PDE3B: variants seen among roughly 807,000 people sequenced by gnomAD.
PDE3B encodes the protein phosphodiesterase 3B.
A neutral mutation model predicts 116.8 loss-of-function variants in PDE3B; 66 were observed. That is an observed-to-expected ratio of 0.56 (90% CI 0.46 to 0.69). The LOEUF is 0.69. Among genes scored for constraint, PDE3B ranks in the 30% least tolerant of loss-of-function variants. PDE3B has a pLI of 0.00. For missense variants in PDE3B, 1,384 were observed against 1,368.1 expected (o/e 1.01, Z -0.18); for synonymous variants, 595 against 533.6 (o/e 1.12, Z -1.59).
chr11:14,728,133 G>A (rs1447939471), intron 1 of PDE3B, among the ~76,000 whole-genome samples: 1 of 151,944 alleles, frequency 6.6e-6, no homozygotes, highest in African/African-American at 2.4e-5. Flanking sequence ...TGATTAGCTG[G>A]CAAAAGCTTT....
intron 2 of PDE3B, chr11:14,774,765 T>C (rs995113517): frequency 1.4e-4 from 21 of 152,378 alleles, no homozygotes; most frequent in Middle Eastern, 6.8e-3. Context: ...ACTCTCTTGC[T>C]CATTTCTCTC....
intron 12 of PDE3B, among the ~76,000 whole-genome samples, chr11:14,848,495 T>G (rs1317293691): frequency 6.6e-6 from 1 of 151,658 alleles, no homozygotes; most frequent in African/African-American, 2.4e-5. Context: ...CCAGGGCAAT[T>G]AGGCAGGAGA....
intron 4 of PDE3B, among the ~76,000 whole-genome samples, chr11:14,802,025 T>C (rs1858785997): frequency 6.6e-6 from 1 of 152,222 alleles, no homozygotes; most frequent in East Asian, 1.9e-4. Context: ...GCTGCTGTGC[T>C]GGCAGTGAGA....
chr11:14,861,780 A>G (rs1456196397), intron 14 of PDE3B, among the ~76,000 whole-genome samples: 1 of 152,212 alleles, frequency 6.6e-6, no homozygotes, highest in Non-Finnish European at 1.5e-5. Flanking sequence ...GAAAGGAAGT[A>G]AAGTACACTT....
intron 2 of PDE3B, among the ~76,000 whole-genome samples, chr11:14,778,433 G>A (rs1022590213): frequency 1.3e-5 from 2 of 152,294 alleles, no homozygotes; most frequent in South Asian, 2.1e-4. Flanking sequence ...GCTGACTGAC[G>A]CCTCATACGG....
intron 1 of PDE3B, among the ~76,000 whole-genome samples, chr11:14,759,329 G>A (rs1299862431): frequency 6.6e-6 from 1 of 152,240 alleles, no homozygotes; most frequent in African/African-American, 2.4e-5. Flanking sequence ...GACTGGAATA[G>A]TTTCAGAAGG....
chr11:14,667,225 A>G (rs1178934937), intron 1 of PDE3B, among the ~76,000 whole-genome samples: 1 of 148,836 alleles, frequency 6.7e-6, no homozygotes, highest in African/African-American at 2.5e-5. Context: ...ATAGGTGGGA[A>G]TTGAACAATG....
intron 3 of PDE3B, 45 bp from the exon 4 acceptor site, chr11:14,789,061 A>G (rs577754568): frequency 7.0e-7 from 1 of 1,423,484 alleles, no homozygotes; most frequent in East Asian, 2.3e-5. Flanking sequence ...CATATATAGC[A>G]TATTAAAGAG....
intron 15 of PDE3B, among the ~76,000 whole-genome samples, chr11:14,868,564 AAAATG>A (rs1262666412): frequency 2.6e-5 from 4 of 152,220 alleles, no homozygotes; most frequent in African/African-American, 9.6e-5. Flanking sequence ...GTATAAATGG[AAAATG>A]AAATGAAAAT....
intron 5 of PDE3B, among the ~76,000 whole-genome samples, chr11:14,804,535 T>G (rs1051673631): frequency 6.6e-6 from 1 of 152,026 alleles, no homozygotes; most frequent in African/African-American, 2.4e-5. Context: ...AACATAGGAA[T>G]AGCAAAGCAA....
intron 1 of PDE3B, among the ~76,000 whole-genome samples, chr11:14,686,529 A>G (rs1271922734): frequency 6.6e-6 from 1 of 152,178 alleles, no homozygotes; most frequent in Non-Finnish European, 1.5e-5. Context: ...TTAACCTGAG[A>G]CATTTTAAAT....
chr11:14,718,055 A>G (rs980856727), intron 1 of PDE3B, among the ~76,000 whole-genome samples: 22 of 150,670 alleles, frequency 1.5e-4, no homozygotes, highest in African/African-American at 4.9e-4. Context: ...ACATAGGCTG[A>G]AAATAAAAGG....
intron 11 of PDE3B, among the ~76,000 whole-genome samples, chr11:14,839,191 T>C (rs750242877): frequency 1.3e-4 from 20 of 152,252 alleles, no homozygotes; most frequent in Non-Finnish European, 2.1e-4. Context: ...ACCCATTTTC[T>C]GAATGTATAG....
chr11:14,741,696 C>G (rs1251308862), intron 1 of PDE3B, among the ~76,000 whole-genome samples: 1 of 152,094 alleles, frequency 6.6e-6, no homozygotes, highest in African/African-American at 2.4e-5. Context: ...ATGGTCTTTA[C>G]AATTTGGTAT....
chr11:14,681,981 A>G (rs944504110), intron 1 of PDE3B, among the ~76,000 whole-genome samples: 1 of 152,230 alleles, frequency 6.6e-6, no homozygotes, highest in Non-Finnish European at 1.5e-5. Context: ...ACAGTCAATT[A>G]GCACATATTT....
At chr11:14,768,705 G>A (rs532230903) in intron 1 of PDE3B, among the ~76,000 whole-genome samples, 2 of 151,602 alleles carry the variant, frequency 1.3e-5, no homozygotes, top group East Asian at 3.9e-4. Context: ...CTGTAGCAAA[G>A]GACCAAGCTT....
chr11:14,770,692 C>A (rs1157999355), intron 1 of PDE3B, among the ~76,000 whole-genome samples: 1 of 151,546 alleles, frequency 6.6e-6, no homozygotes, highest in Admixed American at 6.6e-5. Context: ...TTTGTGGGCA[C>A]TGGTTCACAA....
At chr11:14,665,225 T>G (rs1010191666) in intron 1 of PDE3B, among the ~76,000 whole-genome samples, 1 of 152,186 alleles carries the variant, frequency 6.6e-6, no homozygotes, top group South Asian at 2.1e-4. Flanking sequence ...CAACCCTTCA[T>G]GCTAAAAGCT....
chr11:14,702,614 A>G (rs748157641), intron 1 of PDE3B, among the ~76,000 whole-genome samples: 1 of 151,724 alleles, frequency 6.6e-6, no homozygotes, highest in Non-Finnish European at 1.5e-5. Context: ...ACTGTCTAAT[A>G]CTAATCACTA....
Sources: allele counts gnomAD v4.1 joint callset (sites outside exome capture counted in the v4.1 genomes callset), GRCh38; gene constraint gnomAD v4.1.1; transcripts MANE v1.5; gene names NCBI Gene and HGNC (gene_info 2026-07-23, HGNC 2026-07-21).